Variants in ZMYND11 observed in about 807,000 individuals in gnomAD.
The protein encoded by ZMYND11 is zinc finger MYND domain-containing protein 11.
In ZMYND11, 9 loss-of-function variants were observed where a neutral mutation model predicts 84.9. The observed-to-expected ratio is 0.11, with a 90% CI of 0.06 to 0.18. The LOEUF is 0.18. Ranked by LOEUF, ZMYND11 falls within the 10% of genes least tolerant of loss-of-function variation. The probability of loss-of-function intolerance (pLI) is 1.00; values close to 1 mark genes in which losing one functional copy is unlikely to be tolerated. For missense variants in ZMYND11, 409 were observed against 761.0 expected (o/e 0.54, Z 5.44); for synonymous variants, 250 against 244.1 (o/e 1.02, Z -0.23).
intron 10 of ZMYND11, among the ~76,000 whole-genome samples, chr10:243,036 C>T (rs912903767): frequency 5.3e-5 from 8 of 152,032 alleles, no homozygotes; most frequent in East Asian, 1.9e-4. Flanking sequence ...ACATCATACT[C>T]GGATGGTTTC....
chr10:191,748 G>A (rs1419875020), intron 2 of ZMYND11, among the ~76,000 whole-genome samples: 7 of 152,096 alleles, frequency 4.6e-5, no homozygotes, highest in Non-Finnish European at 8.8e-5. Flanking sequence ...TTCTCTACCC[G>A]AATTCAAATC....
chr10:139,068 A>G (rs1554753262), intron 1 of ZMYND11, among the ~76,000 whole-genome samples: 1 of 152,150 alleles, frequency 6.6e-6, no homozygotes, highest in Admixed American at 6.5e-5. Context: ...GGCTTCCCAA[A>G]GCGCTGGGAC....
chr10:251,367 AATGGGG>A (rs972129586), intron 14 of ZMYND11, among the ~76,000 whole-genome samples: 7 of 152,122 alleles, frequency 4.6e-5, no homozygotes, highest in African/African-American at 1.7e-4. Context: ...CTCTGCACCT[AATGGGG>A]ATTTTTCTGA....
At chr10:142,507 G>A (rs1395575577) in intron 1 of ZMYND11, among the ~76,000 whole-genome samples, 1 of 152,064 alleles carries the variant, frequency 6.6e-6, no homozygotes, top group East Asian at 1.9e-4. Context: ...TTATAATGAG[G>A]GAATAGACTT....
At chr10:181,737 A>G (rs371554470) in intron 2 of ZMYND11, among the ~76,000 whole-genome samples, 2 of 152,298 alleles carry the variant, frequency 1.3e-5, no homozygotes, top group South Asian at 2.1e-4. Flanking sequence ...TTTTAAAGCT[A>G]TGTACAACTC....
chr10:156,865 A>G (rs186725788), intron 1 of ZMYND11, among the ~76,000 whole-genome samples: 156 of 152,298 alleles, frequency 1.0e-3, no homozygotes, highest in Middle Eastern at 6.8e-3. Flanking sequence ...ATACCTTTCT[A>G]TTACTTACCT....
chr10:245,139 T>C (rs531841609), intron 10 of ZMYND11, among the ~76,000 whole-genome samples: 5 of 152,224 alleles, frequency 3.3e-5, no homozygotes, highest in Admixed American at 2.0e-4. Context: ...TAGAGTTTAG[T>C]TTTTCAAAGT....
intron 1 of ZMYND11, among the ~76,000 whole-genome samples, chr10:138,798 A>G (rs1554753130): frequency 6.6e-6 from 1 of 152,032 alleles, no homozygotes; most frequent in African/African-American, 2.4e-5. Flanking sequence ...GATAGTTAAA[A>G]CTTTTCACTG....
upstream of ZMYND11, among the ~76,000 whole-genome samples, chr10:132,577 T>A (rs1554750106): frequency 2.0e-5 from 3 of 152,210 alleles, 1 homozygote; most frequent in South Asian, 6.2e-4. Context: ...CTCACAGCCA[T>A]CTGCAGCAGT....
upstream of ZMYND11, among the ~76,000 whole-genome samples, chr10:132,151 A>G (rs911850164): frequency 6.6e-6 from 1 of 152,034 alleles, no homozygotes; most frequent in Admixed American, 6.6e-5. Flanking sequence ...CATGGAATGA[A>G]ATCAAAGAAC....
At chr10:136,104 G>T (rs1835967295) in intron 1 of ZMYND11, among the ~76,000 whole-genome samples, 1 of 152,068 alleles carries the variant, frequency 6.6e-6, no homozygotes, top group African/African-American at 2.4e-5. Context: ...GGTCCCCCGG[G>T]GCTGTGAGCG....
chr10:242,772 A>G (rs1462888230), intron 10 of ZMYND11, among the ~76,000 whole-genome samples: 1 of 152,218 alleles, frequency 6.6e-6, no homozygotes, highest in Non-Finnish European at 1.5e-5. Context: ...AAGCTACACA[A>G]TGAGGGACCT....
chr10:237,576 C>T lies in ZMYND11; in HGVS notation c.517-9C>T, dbSNP rs762181378. ...CCACATTTAAATTGATGTACTAACA[C>T]CCTCTTAGGCTATAGATCTTAATAA... On this transcript the variant is annotated splice_polypyrimidine_tract_variant and intron_variant, in intron 5 of 14. Coordinates refer to ENST00000381604, the MANE Select transcript of ZMYND11 (RefSeq NM_001370100.5). 2.5e-6 allele frequency: 4 copies of T among 1,580,050 alleles called. No homozygotes were observed. The highest frequency in any genetic ancestry group is 3.5e-6 in the Non-Finnish European group (4 of 1,157,352).
intron 10 of ZMYND11, chr10:244,553 T>C (rs1951728432): frequency 6.6e-6 from 1 of 152,296 alleles, no homozygotes; most frequent in Non-Finnish European, 1.5e-5. Flanking sequence ...TAGATCTTTC[T>C]GCTGCGAGAG....
chr10:193,544 T>C (rs1263757549), intron 2 of ZMYND11, among the ~76,000 whole-genome samples: 2 of 152,236 alleles, frequency 1.3e-5, no homozygotes, highest in Admixed American at 6.5e-5. Context: ...TTCCTGCAGC[T>C]AGTTAGTCAT....
rs1176763178 is a variant in ZMYND11, at chr10:179,989, T to C, written c.-19-5T>C. The C allele has an allele frequency of 1.3e-6, 2 of 1,559,514 alleles. No individual in the cohort carries two copies. Among genetic ancestry groups the C allele is most frequent in the East Asian group, 2.2e-5 (1 of 44,546 alleles). ...TTTCCCTTATGTTTTTGTTTATTAC[T>C]GCAGCTAAAGAAGTAAACAGGTCAT... On this transcript the variant is annotated splice_polypyrimidine_tract_variant and splice_region_variant and intron_variant, in intron 1 of 14. Transcript: ENST00000381604.
chr10:157,892 C>A (rs1199252829), intron 1 of ZMYND11, among the ~76,000 whole-genome samples: 1 of 152,192 alleles, frequency 6.6e-6, no homozygotes, highest in Non-Finnish European at 1.5e-5. Context: ...CTCACCCGAT[C>A]CCCGGGCACC....
chr10:209,151 TACAAAGCAAATA>T (rs1406944484), intron 2 of ZMYND11, among the ~76,000 whole-genome samples: 1 of 152,078 alleles, frequency 6.6e-6, no homozygotes, highest in African/African-American at 2.4e-5. Flanking sequence ...ACAAAAAAGA[TACAAAGCAAATA>T]TGCCGAATAT....
At chr10:171,609 GA>G (rs1845335761) in intron 1 of ZMYND11, among the ~76,000 whole-genome samples, 1 of 152,066 alleles carries the variant, frequency 6.6e-6, no homozygotes, top group East Asian at 1.9e-4. Flanking sequence ...AACTAAATGA[GA>G]ATAAAAATAG....
Sources: allele counts gnomAD v4.1 joint callset (sites outside exome capture counted in the v4.1 genomes callset), GRCh38; gene constraint gnomAD v4.1.1; transcripts MANE v1.5; gene names NCBI Gene and HGNC (gene_info 2026-07-23, HGNC 2026-07-21).